Variants in RORA observed in about 807,000 individuals in gnomAD.
RORA encodes the protein nuclear receptor ROR-alpha.
Under a neutral mutation model 69.5 loss-of-function variants are expected in RORA, and 7 were observed. The ratio of observed to expected loss-of-function variants is 0.10; its 90% CI spans 0.06 to 0.19. The LOEUF (loss-of-function observed/expected upper bound fraction) is 0.19, where lower values mean the gene tolerates loss of function less well. Ranked by LOEUF, RORA falls within the 10% of genes least tolerant of loss-of-function variation. RORA has a pLI of 1.00. For synonymous variants in RORA, 261 were observed against 240.8 expected, an observed-to-expected ratio of 1.08 and a Z score of -0.78; for missense variants, 457 against 663.0, an observed-to-expected ratio of 0.69 and a Z score of 3.41.
intron 1 of RORA, among the ~76,000 whole-genome samples, chr15:61,056,325 G>A (rs1045632236): frequency 2.6e-5 from 4 of 152,136 alleles, no homozygotes; most frequent in South Asian, 4.1e-4. Context: ...GTTCAGAGAC[G>A]TTAAGCATCT....
intron 1 of RORA, among the ~76,000 whole-genome samples, chr15:60,970,364 A>C (rs898390103): frequency 2.6e-5 from 4 of 152,214 alleles, no homozygotes; most frequent in African/African-American, 9.6e-5. Context: ...CACCCTGTAC[A>C]TTCCCACTTC....
intron 1 of RORA, among the ~76,000 whole-genome samples, chr15:60,717,796 C>CTTTTTTTTTTTTTTTTTT (rs10653856): frequency 2.2e-5 from 2 of 91,992 alleles, no homozygotes; most frequent in East Asian, 3.9e-4. Flanking sequence ...TTCTTTTTCT[C>CTTTTTTTTTTTTTTTTTT]TTTTTTTTTT....
At chr15:60,721,542 AG>A (rs1488492280) in intron 1 of RORA, among the ~76,000 whole-genome samples, 3 of 152,272 alleles carry the variant, frequency 2.0e-5, no homozygotes, top group Non-Finnish European at 4.4e-5. Flanking sequence ...TGGAATTCAC[AG>A]TATGAAGTGC....
At chr15:61,023,475 G>T (rs1895647754) in intron 1 of RORA, among the ~76,000 whole-genome samples, 1 of 152,138 alleles carries the variant, frequency 6.6e-6, no homozygotes. Flanking sequence ...CCACCCCCAT[G>T]ATTCAAATTA....
At chr15:61,193,092 C>T (rs1011640122) in intron 1 of RORA, among the ~76,000 whole-genome samples, 4 of 151,726 alleles carry the variant, frequency 2.6e-5, no homozygotes, top group Non-Finnish European at 4.4e-5. Context: ...TTTCAAACTC[C>T]CAATAGGAAC....
intron 2 of RORA, among the ~76,000 whole-genome samples, chr15:60,605,119 T>G (rs139441088): frequency 4.6e-5 from 7 of 152,194 alleles, no homozygotes; most frequent in African/African-American, 1.7e-4. Context: ...AGTGGATCTT[T>G]TGTTATTCTG....
At chr15:60,514,000 A>G (rs771536041) in intron 4 of RORA, among the ~76,000 whole-genome samples, 8 of 152,230 alleles carry the variant, frequency 5.3e-5, no homozygotes, top group Admixed American at 2.0e-4. Context: ...CACTTAAGAT[A>G]GTTTTCCAGG....
At chr15:60,648,834 A>G (rs1252758084) in intron 2 of RORA, among the ~76,000 whole-genome samples, 2 of 152,226 alleles carry the variant, frequency 1.3e-5, no homozygotes, top group Non-Finnish European at 2.9e-5. Flanking sequence ...GCTTTCAGTA[A>G]TTCCCAGTGT....
At position 61,142,617 on chromosome 15, in the gene RORA, G is replaced by A. The variant is rs183235376; in HGVS notation, c.166+86436C>T. On this transcript the variant is annotated intron_variant, in intron 1 of 10. Coordinates refer to ENST00000335670, the MANE Select transcript of RORA (RefSeq NM_134261.3). ...AATGTAAAAATATGAACTCAAACAT[G>A]AGCAGACAGAATCCACCAGTGCAAT... 3.3e-5 allele frequency among the ~76,000 whole-genome samples: 5 copies of A among 152,204 alleles called. No homozygotes were observed. The East Asian group carries it at 7.7e-4, about 23-fold the overall frequency.
chr15:61,098,001 G>A (rs2140738483), intron 1 of RORA, among the ~76,000 whole-genome samples: 1 of 152,242 alleles, frequency 6.6e-6, no homozygotes, highest in South Asian at 2.1e-4. Flanking sequence ...GCCTAGAAGG[G>A]AACTGCTATT....
chr15:60,602,640 C>T (rs1392593798), intron 2 of RORA, among the ~76,000 whole-genome samples: 5 of 152,158 alleles, frequency 3.3e-5, no homozygotes, highest in African/African-American at 1.2e-4. Flanking sequence ...TTATTTTACA[C>T]TAACAGTATT....
Position 60,917,963 on chromosome 15 carries a change from T to C in RORA, c.167-239277A>G, listed in dbSNP as rs145724876. Among the ~76,000 whole-genome samples the C allele has an allele frequency of 3.1e-3, 475 of 152,358 alleles. 8 individuals are homozygous for C. Among genetic ancestry groups the C allele is most frequent in the African/African-American group, 0.011 (451 of 41,594 alleles). ...CTGAGCACAAAAGTGGGATGGCCTGTGAAGCTGGGCTTTCTTCCCATTCTC... is the reference window on the plus strand; with the variant it reads ...CTGAGCACAAAAGTGGGATGGCCTGCGAAGCTGGGCTTTCTTCCCATTCTC... On this transcript the variant is annotated intron_variant, in intron 1 of 10. Coordinates refer to ENST00000335670, the MANE Select transcript of RORA (RefSeq NM_134261.3).
chr15:60,877,219 T>G (rs931108036), intron 1 of RORA, among the ~76,000 whole-genome samples: 2 of 152,332 alleles, frequency 1.3e-5, no homozygotes, highest in Middle Eastern at 3.4e-3. Context: ...AGGCTGAGCA[T>G]GTATGAAATC....
At chr15:61,223,291 G>C (rs1363933905) in intron 1 of RORA, among the ~76,000 whole-genome samples, 4 of 124,692 alleles carry the variant, frequency 3.2e-5, no homozygotes, top group African/African-American at 1.2e-4. Flanking sequence ...TCCAGCCTGG[G>C]AGACACAGCG....
chr15:60,585,749 A>C (rs1005816868), intron 2 of RORA, among the ~76,000 whole-genome samples: 1 of 152,206 alleles, frequency 6.6e-6, no homozygotes, highest in East Asian at 1.9e-4. Flanking sequence ...TTAAGTTAAA[A>C]ATTTTTTTTC....
intron 6 of RORA, among the ~76,000 whole-genome samples, chr15:60,504,759 T>C (rs924754480): frequency 1.3e-5 from 2 of 152,240 alleles, no homozygotes; most frequent in African/African-American, 2.4e-5. Flanking sequence ...ATTCCTTTTA[T>C]ATTCGCACTC....
chr15:60,888,007 C>T (rs2073770672), intron 1 of RORA, among the ~76,000 whole-genome samples: 1 of 152,194 alleles, frequency 6.6e-6, no homozygotes. Flanking sequence ...AAAGTAGCTC[C>T]AGCTAACCCA....
At chr15:60,832,439 A>G (rs2073054364) in intron 1 of RORA, among the ~76,000 whole-genome samples, 1 of 152,142 alleles carries the variant, frequency 6.6e-6, no homozygotes, top group African/African-American at 2.4e-5. Context: ...GTGGTGAGCC[A>G]CCTTGAACAT....
intron 1 of RORA, among the ~76,000 whole-genome samples, chr15:61,116,809 A>G (rs2079055549): frequency 6.6e-6 from 1 of 152,138 alleles, no homozygotes; most frequent in Non-Finnish European, 1.5e-5. Context: ...TGTAAATAGA[A>G]AAAATATAAC....
Sources: allele counts gnomAD v4.1 joint callset (sites outside exome capture counted in the v4.1 genomes callset), GRCh38; gene constraint gnomAD v4.1.1; transcripts MANE v1.5; gene names NCBI Gene and HGNC (gene_info 2026-07-23, HGNC 2026-07-21).